TAFA5: variants seen among roughly 807,000 people sequenced by gnomAD.
TAFA5 encodes the protein TAFA chemokine like family member 5.
A neutral mutation model predicts 15.3 loss-of-function variants in TAFA5; 6 were observed. The observed-to-expected ratio is 0.39, with a 90% confidence interval of 0.21 to 0.77. The LOEUF (loss-of-function observed/expected upper bound fraction) is 0.77, where lower values mean the gene tolerates loss of function less well. Among genes scored for constraint, TAFA5 ranks in the 30% least tolerant of loss-of-function variants. The probability of loss-of-function intolerance (pLI) is 0.41; values close to 1 mark genes in which losing one functional copy is unlikely to be tolerated. For synonymous variants in TAFA5, 103 were observed against 80.7 expected, an observed-to-expected ratio of 1.28 and a Z score of -1.48; for missense variants, 161 against 193.1, an observed-to-expected ratio of 0.83 and a Z score of 0.98.
intron 1 of TAFA5, chr22:48,543,918 C>T (rs1922560832): frequency 6.6e-6 from 1 of 152,272 alleles, no homozygotes; most frequent in South Asian, 2.1e-4. Flanking sequence ...CCAGAAGACC[C>T]CAGAAAATGA....
intron 1 of TAFA5, among the ~76,000 whole-genome samples, chr22:48,586,909 C>G (rs571888378): frequency 6.6e-6 from 1 of 152,340 alleles, no homozygotes; most frequent in South Asian, 2.1e-4. Context: ...CACCTTGTGT[C>G]TGGCTGGGCT....
intron 1 of TAFA5, among the ~76,000 whole-genome samples, chr22:48,603,666 C>T (rs769503530): frequency 3.9e-5 from 6 of 152,220 alleles, no homozygotes; most frequent in Non-Finnish European, 8.8e-5. Context: ...TCTTCCCCAA[C>T]CAGCCCACAG....
At chr22:48,621,258 T>C (rs1343836802) in intron 1 of TAFA5, among the ~76,000 whole-genome samples, 34 of 138,582 alleles carry the variant, frequency 2.5e-4, no homozygotes, top group Admixed American at 2.1e-3. Flanking sequence ...ACCCATCCAT[T>C]CTACCTATCC....
intron 1 of TAFA5, among the ~76,000 whole-genome samples, chr22:48,642,513 A>G (rs1926719555): frequency 6.6e-6 from 1 of 152,150 alleles, no homozygotes; most frequent in South Asian, 2.1e-4. Flanking sequence ...ATGGCAGCCA[A>G]GCATCACCCA....
chr22:48,662,660 G>A (rs958972506), intron 2 of TAFA5, among the ~76,000 whole-genome samples: 3 of 152,352 alleles, frequency 2.0e-5, no homozygotes, highest in East Asian at 1.9e-4. Flanking sequence ...GCTCACCGGA[G>A]CAGGTGTCCA....
At chr22:48,582,308 C>T (rs1381452550) in intron 1 of TAFA5, among the ~76,000 whole-genome samples, 1 of 151,972 alleles carries the variant, frequency 6.6e-6, no homozygotes, top group Middle Eastern at 3.2e-3. Context: ...ACACACCCCA[C>T]ACGCAAAATA....
chr22:48,748,691 G>A (rs1026684940), intron 3 of TAFA5, among the ~76,000 whole-genome samples: 12 of 152,306 alleles, frequency 7.9e-5, no homozygotes, highest in South Asian at 2.1e-4. Context: ...AGTGACTGGC[G>A]CCCAGGAGCT....
intron 2 of TAFA5, among the ~76,000 whole-genome samples, chr22:48,706,260 T>C (rs572969833): frequency 7.9e-5 from 12 of 152,372 alleles, no homozygotes; most frequent in Non-Finnish European, 1.2e-4. Context: ...AGGGGCTTCA[T>C]GCGTGCATTG....
intron 1 of TAFA5, among the ~76,000 whole-genome samples, chr22:48,556,918 C>T (rs1311903923): frequency 6.6e-6 from 1 of 152,336 alleles, no homozygotes; most frequent in Admixed American, 6.5e-5. Context: ...CTCATGCACT[C>T]ACTGGGCACA....
At chr22:48,609,425 G>A (rs568187276) in intron 1 of TAFA5, among the ~76,000 whole-genome samples, 11 of 152,090 alleles carry the variant, frequency 7.2e-5, no homozygotes, top group South Asian at 6.2e-4. Flanking sequence ...CTGGCCATGC[G>A]TTGTCTGTGG....
chr22:48,663,720 C>T (rs1357882945), intron 2 of TAFA5, among the ~76,000 whole-genome samples: 26 of 152,198 alleles, frequency 1.7e-4, no homozygotes, highest in Admixed American at 1.3e-3. Context: ...TTGTCCCATC[C>T]GGTCCATGAA....
intron 2 of TAFA5, among the ~76,000 whole-genome samples, chr22:48,696,137 G>A (rs576324373): frequency 6.6e-6 from 1 of 152,224 alleles, no homozygotes. Flanking sequence ...TGCCATGGGA[G>A]AAGTGGCGCA....
At chr22:48,674,828 C>T (rs1927919705) in intron 2 of TAFA5, among the ~76,000 whole-genome samples, 1 of 152,188 alleles carries the variant, frequency 6.6e-6, no homozygotes, top group Non-Finnish European at 1.5e-5. Context: ...TTTATCGGGA[C>T]ACTGTCACAC....
intron 3 of TAFA5, among the ~76,000 whole-genome samples, chr22:48,723,968 C>G (rs1929643040): frequency 1.3e-5 from 2 of 152,252 alleles, no homozygotes; most frequent in Non-Finnish European, 2.9e-5. Flanking sequence ...AAGTCAGACT[C>G]TCAGCCTCTT....
intron 1 of TAFA5, among the ~76,000 whole-genome samples, chr22:48,635,325 A>T (rs1926406130): frequency 6.6e-6 from 1 of 151,940 alleles, no homozygotes; most frequent in Non-Finnish European, 1.5e-5. Flanking sequence ...GGGGGCAGGC[A>T]GCCCCTGAGG....
chr22:48,749,754 C>G, intron 3 of TAFA5, 85 bp from the exon 4 acceptor site: 1 of 1,486,762 alleles, frequency 6.7e-7, no homozygotes, highest in Middle Eastern at 1.8e-4. Flanking sequence ...TGGCAGGAGC[C>G]GGGGAGGGAA....
Position 48,577,813 on chromosome 22 carries a change from G to T in TAFA5, c.113-68784G>T, listed in dbSNP as rs544198828. ...TAGGCTACCCCAGGACTCTGCTGCG[G>T]GCTTGGCCTGCCAGCCCGGGCTTGC... On this transcript the variant is annotated intron_variant, in intron 1 of 3. Coordinates refer to ENST00000402357, the MANE Select transcript of TAFA5 (RefSeq NM_001082967.3). Among the ~76,000 whole-genome samples the T allele has an allele frequency of 3.3e-5, 5 of 152,320 alleles. No individual in the cohort carries two copies. The East Asian group carries it at 7.7e-4, about 24-fold the overall frequency.
At chr22:48,697,284 G>A (rs1928740657) in intron 2 of TAFA5, among the ~76,000 whole-genome samples, 1 of 152,178 alleles carries the variant, frequency 6.6e-6, no homozygotes, top group African/African-American at 2.4e-5. Context: ...GCACAGGAGG[G>A]AGGGAGTCAC....
intron 2 of TAFA5, among the ~76,000 whole-genome samples, chr22:48,682,617 CTG>C (rs1928228178): frequency 6.6e-6 from 1 of 152,156 alleles, no homozygotes; most frequent in African/African-American, 2.4e-5. Context: ...GTCATTGTCA[CTG>C]TATTGACAAA....
Sources: allele counts gnomAD v4.1 joint callset (sites outside exome capture counted in the v4.1 genomes callset), GRCh38; gene constraint gnomAD v4.1.1; transcripts MANE v1.5; gene names NCBI Gene and HGNC (gene_info 2026-07-23, HGNC 2026-07-21).